The following TMX3 variants were observed in gnomAD, a reference collection of about 807,000 sequenced individuals.
TMX3 encodes thioredoxin related transmembrane protein 3.
Under a neutral mutation model 64.4 loss-of-function variants are expected in TMX3, and 40 were observed. That is an observed-to-expected ratio of 0.62 (90% CI 0.48 to 0.81). The LOEUF (loss-of-function observed/expected upper bound fraction) is 0.81, where lower values mean the gene tolerates loss of function less well. Ranked by LOEUF, TMX3 falls within the 30% of genes least tolerant of loss-of-function variation. TMX3 has a pLI of 0.00. For missense variants in TMX3, 497 were observed against 534.5 expected (o/e 0.93, Z 0.69); for synonymous variants, 189 against 175.7 (o/e 1.08, Z -0.60).
In TMX3 at chr18:68,704,726, T is replaced by A. The variant is rs117299821; in HGVS notation, c.266-2936A>T. On this transcript the variant is annotated intron_variant, in intron 4 of 15. Transcript: ENST00000299608. ...AACAAGAGTTATAGCTTTGAAGTTT[T>A]ACGATTTTAAATGTTTATAAAACAA... Among the ~76,000 whole-genome samples, 1,489 of 152,316 alleles carry A rather than the reference T, an allele frequency of 9.8e-3. 29 individuals carry two copies. The highest frequency in any genetic ancestry group is 0.055 in the East Asian group (284 of 5,178).
Position 68,700,473 on chromosome 18 carries a change from G to T in TMX3, c.324C>A (p.Asp108Glu). Residue 108 changes from aspartate (D) to glutamate (E), a missense_variant, in exon 6 of 16, where the codon GAC becomes GAA. By Grantham distance (45) the Asp-to-Glu change is conservative (BLOSUM62 2). Transcript: ENST00000299608. ...GTGGTCCTCTATAATTATATGCCAAGTCCCCTTTTAATCTTTAAAAAAAAA... is the reference window on the plus strand; with the variant it reads ...GTGGTCCTCTATAATTATATGCCAATTCCCCTTTTAATCTTTAAAAAAAAA... ...GYPTIKLLKGDLAYNYRGPRT... is the reference protein window; with the variant it reads ...GYPTIKLLKGELAYNYRGPRT... The T allele has an allele frequency of 6.5e-7, 1 of 1,544,358 alleles. No homozygotes were observed.
intron 14 of TMX3, 171 bp from the exon 15 acceptor site, chr18:68,679,702 C>A (rs887862826): frequency 2.2e-5 from 12 of 554,160 alleles, no homozygotes; most frequent in African/African-American, 2.1e-4. Flanking sequence ...TGTGTCATGT[C>A]CAGCATTCCT....
chr18:68,681,800 T>C (rs2145013429), intron 13 of TMX3, among the ~76,000 whole-genome samples: 1 of 152,276 alleles, frequency 6.6e-6, no homozygotes, highest in Non-Finnish European at 1.5e-5. Flanking sequence ...CACTGGGCCC[T>C]CAATGAGGCT....
intron 4 of TMX3, chr18:68,706,514 A>T (rs1218524473): frequency 6.6e-6 from 1 of 152,234 alleles, no homozygotes; most frequent in Non-Finnish European, 1.5e-5. Context: ...ACTGTTCACC[A>T]GTAGGACTGG....
At chr18:68,686,082 A>T (rs1913921374) in intron 10 of TMX3, among the ~76,000 whole-genome samples, 1 of 152,154 alleles carries the variant, frequency 6.6e-6, no homozygotes, top group Non-Finnish European at 1.5e-5. Context: ...CTGGAGGTGT[A>T]GGCAAGAGTT....
intron 9 of TMX3, chr18:68,688,051 T>A (rs1164303578): frequency 9.8e-6 from 2 of 203,424 alleles, no homozygotes; most frequent in East Asian, 2.4e-4. Context: ...TTGGTATATG[T>A]CGATAAAGAT....
intron 4 of TMX3, among the ~76,000 whole-genome samples, chr18:68,706,122 C>A (rs1409996332): frequency 6.6e-6 from 1 of 152,226 alleles, no homozygotes; most frequent in African/African-American, 2.4e-5. Context: ...GGCACAGTGA[C>A]TCATGCCTGT....
chr18:68,698,106 A>G (rs1407653964), intron 6 of TMX3, 75 bp from the exon 7 acceptor site: 1 of 921,132 alleles, frequency 1.1e-6, no homozygotes, highest in East Asian at 2.6e-5. Flanking sequence ...TACTATAACT[A>G]ATCATGTCTC....
intron 15 of TMX3, among the ~76,000 whole-genome samples, chr18:68,679,041 A>G (rs1773619600): frequency 6.6e-6 from 1 of 152,108 alleles, no homozygotes; most frequent in Non-Finnish European, 1.5e-5. Context: ...CTAAAATTTT[A>G]TTTTGACTCC....
At chr18:68,684,537 G>T in intron 10 of TMX3, 52 bp from the exon 11 acceptor site, 1 of 1,472,716 alleles carries the variant, frequency 6.8e-7, no homozygotes, top group Non-Finnish European at 9.4e-7. Context: ...TACACAAACT[G>T]TTCAATTATC....
At chr18:68,701,496 C>T in intron 5 of TMX3, 1 of 642,682 alleles carries the variant, frequency 1.6e-6, no homozygotes. Context: ...TGACTGTATA[C>T]TTGTCCTGCA....
rs17079606 is a variant in TMX3, at chr18:68,709,972, A to T, written c.265+49T>A. 0.027 allele frequency: 40,531 copies of T among 1,512,838 alleles called. 3,897 individuals are homozygous for T. The African/African-American group carries it at 0.32, about 12-fold the overall frequency. The allele number at this position is 1,512,838 out of a possible 1,614,324, so 93.7% of individuals were successfully genotyped here. A position where few individuals can be genotyped will look rare whatever the true frequency, so the allele number is the denominator to read the frequency against. ...CCACCCTGAATACTGTTGCATATAA[A>T]TGTTTTTGCTGTGAGAACAGTAAAA... On this transcript the variant is annotated intron_variant, in intron 4 of 15. Coordinates refer to ENST00000299608, the MANE Select transcript of TMX3 (RefSeq NM_019022.5).
chr18:68,709,846 C>CATACT (rs201541364), intron 4 of TMX3, among the ~76,000 whole-genome samples, 175 bp downstream of exon 4: 1 of 152,138 alleles, frequency 6.6e-6, no homozygotes, highest in African/African-American at 2.4e-5. Flanking sequence ...ACACACACTA[C>CATACT]ACGCTACATG....
rs947017789 is a variant in TMX3, at chr18:68,715,011, T to G, written c.-30A>C. ...GCCCGGGAGAGCTGCAGAAGCTGAC[T>G]GTGCAAAAGAGGGATAAAGACACTG... On this transcript the variant is annotated 5_prime_UTR_variant, in exon 1 of 16. Transcript: ENST00000299608. 3.2e-6 allele frequency: 5 copies of G among 1,558,256 alleles called. No homozygotes were observed. Among genetic ancestry groups the G allele is most frequent in the Non-Finnish European group, 4.3e-6 (5 of 1,152,024 alleles).
intron 8 of TMX3, chr18:68,696,943 G>A (rs1344157362): frequency 3.7e-6 from 1 of 268,750 alleles, no homozygotes; most frequent in Non-Finnish European, 7.1e-6. Flanking sequence ...CAATTTAGGA[G>A]TTTGAGGTAT....
At position 68,700,549 on chromosome 18, in the gene TMX3, CATT is replaced by C. The variant is rs1384377654; in HGVS notation, c.312-67_312-65del. The C allele has an allele frequency of 2.1e-5, 25 of 1,204,744 alleles. No homozygotes were observed. In the African/African-American group the frequency reaches 4.0e-4, roughly 19 times the overall value. 74.6% of individuals were successfully genotyped at this position (1,204,744 alleles called of 1,614,324 possible). The stretch of plus-strand genomic sequence containing the variant: ...AACAGTTTTAATATTTAATGTTAAT[CATT>C]ATCTATTGTTTCATAAAATTATATT... On this transcript the variant is annotated intron_variant, in intron 5 of 15. Coordinates refer to ENST00000299608, the MANE Select transcript of TMX3 (RefSeq NM_019022.5).
rs532852632 is a variant in TMX3, at chr18:68,674,924, G to A, written c.*2009C>T. 3.8e-4 allele frequency: 58 copies of A among 152,120 alleles called. No individual in the cohort carries two copies. Among genetic ancestry groups the A allele is most frequent in the Non-Finnish European group, 5.9e-5 (4 of 67,958 alleles). The allele number at this position is 152,120 out of a possible 1,614,324, so 9.4% of individuals were successfully genotyped here. On this transcript the variant is annotated 3_prime_UTR_variant, in exon 16 of 16. Coordinates refer to ENST00000299608, the MANE Select transcript of TMX3 (RefSeq NM_019022.5). ...ATAAACAACATCACAGAATATAAAC[G>A]AAGATCATATTTTGTGGATGTTTGC...
intron 9 of TMX3, chr18:68,689,991 CAAAT>C (rs770190146): frequency 8.3e-4 from 126 of 152,196 alleles, no homozygotes; most frequent in African/African-American, 2.6e-3. Context: ...TCTATAGAAA[CAAAT>C]AAAATTCAGC....
chr18:68,701,949 A>C (rs2030126981), intron 4 of TMX3, among the ~76,000 whole-genome samples, 159 bp from the exon 5 acceptor site: 1 of 151,910 alleles, frequency 6.6e-6, no homozygotes, highest in African/African-American at 2.4e-5. Context: ...AAAGAAAAAA[A>C]CATGACATTC....
Sources: allele counts gnomAD v4.1 joint callset (sites outside exome capture counted in the v4.1 genomes callset), GRCh38; gene constraint gnomAD v4.1.1; transcripts MANE v1.5; gene names NCBI Gene and HGNC (gene_info 2026-07-23, HGNC 2026-07-21).